MYOM2: variants seen among roughly 807,000 people sequenced by gnomAD.
MYOM2 encodes myomesin 2, also known as myomesin-2.
Under a neutral mutation model 187.6 loss-of-function variants are expected in MYOM2, and 254 were observed. The ratio of observed to expected loss-of-function variants is 1.35; its 90% confidence interval spans 1.22 to 1.50. MYOM2 has a LOEUF of 1.50. Ranked by LOEUF, MYOM2 falls within the 40% of genes most tolerant of loss-of-function variation. MYOM2 has a pLI of 0.00. For synonymous variants in MYOM2, 981 were observed against 753.8 expected, an observed-to-expected ratio of 1.30 and a Z score of -4.94; for missense variants, 2,796 against 1,924.0, an observed-to-expected ratio of 1.45 and a Z score of -8.48.
rs2294060 is a variant in MYOM2, at chr8:2,089,988, G to C, written c.1645-20G>C. On this transcript the variant is annotated intron_variant, in intron 14 of 36. Transcript: ENST00000262113. ...CCTCGCGGTTTTCACTGCCAGTCTCGTTTCTGTTTCTCTTTGTAGTCCGTG... is the reference window on the plus strand; with the variant it reads ...CCTCGCGGTTTTCACTGCCAGTCTCCTTTCTGTTTCTCTTTGTAGTCCGTG... The C allele has an allele frequency of 0.041, 65,381 of 1,610,900 alleles. 2,368 individuals carry two copies. Among genetic ancestry groups the C allele is most frequent in the African/African-American group, 0.2 (14,784 of 74,806 alleles).
chr8:2,059,687 G>A (rs1218469804), intron 6 of MYOM2, among the ~76,000 whole-genome samples: 1 of 151,732 alleles, frequency 6.6e-6, no homozygotes, highest in East Asian at 1.9e-4. Flanking sequence ...CAGCACCCAG[G>A]GTCAGTATGT....
At chr8:2,142,887 C>G (rs1329912296) in intron 35 of MYOM2, among the ~76,000 whole-genome samples, 1 of 151,914 alleles carries the variant, frequency 6.6e-6, no homozygotes, top group East Asian at 1.9e-4. Context: ...TCCCGAGTAG[C>G]TGGGATTACA....
chr8:2,143,912 A>G (rs1225594913), intron 36 of MYOM2, among the ~76,000 whole-genome samples: 1 of 152,188 alleles, frequency 6.6e-6, no homozygotes. Flanking sequence ...TCCTATTCTC[A>G]AGGTCATTGT....
chr8:2,094,507 C>G (rs1796415670), intron 17 of MYOM2, among the ~76,000 whole-genome samples: 1 of 152,080 alleles, frequency 6.6e-6, no homozygotes, highest in African/African-American at 2.4e-5. Flanking sequence ...CAAAAATCAG[C>G]CTGGCATGGT....
At chr8:2,060,978 C>G (rs1818833899) in intron 6 of MYOM2, among the ~76,000 whole-genome samples, 1 of 151,922 alleles carries the variant, frequency 6.6e-6, no homozygotes, top group Non-Finnish European at 1.5e-5. Flanking sequence ...TGAGGGGGTT[C>G]CGGCCGAGCC....
chr8:2,117,641 A>T (rs3817713), intron 27 of MYOM2, among the ~76,000 whole-genome samples: 61,642 of 151,930 alleles, frequency 0.41, 12,589 homozygotes, highest in Non-Finnish European at 0.44. Flanking sequence ...CAGGAAGCAC[A>T]GATTCCAGTG....
chr8:2,089,947 C>G, intron 14 of MYOM2, 61 bp from the exon 15 acceptor site: 1 of 1,531,444 alleles, frequency 6.5e-7, no homozygotes, highest in Non-Finnish European at 8.9e-7. Flanking sequence ...CTTCCTCCTC[C>G]ACACGCCTCT....
At chr8:2,078,685 G>C in intron 11 of MYOM2, 49 bp from the exon 12 acceptor site, 1 of 1,564,850 alleles carries the variant, frequency 6.4e-7, no homozygotes, top group Non-Finnish European at 8.8e-7. Flanking sequence ...ATATTTAGTA[G>C]GTTGCCACAT....
chr8:2,070,567 G>T (rs1171179750), intron 8 of MYOM2, among the ~76,000 whole-genome samples: 3 of 152,152 alleles, frequency 2.0e-5, no homozygotes, highest in Admixed American at 2.0e-4. Flanking sequence ...AGTTGCCCCA[G>T]GCACTGATGA....
chr8:2,094,966 T>TACTC (rs2116748596), intron 17 of MYOM2, among the ~76,000 whole-genome samples: 1 of 152,326 alleles, frequency 6.6e-6, no homozygotes, highest in African/African-American at 2.4e-5. Flanking sequence ...TCAGTGCGCA[T>TACTC]ACTCAGAAAC....
At chr8:2,066,745 C>G (rs913697907) in intron 6 of MYOM2, among the ~76,000 whole-genome samples, 1 of 152,150 alleles carries the variant, frequency 6.6e-6, no homozygotes, top group African/African-American at 2.4e-5. Context: ...TAGATCAGCA[C>G]AGGTTGTTAA....
chr8:2,073,508 C>A lies in MYOM2; in HGVS notation c.1120+8C>A, dbSNP rs911608270. 1.1e-5 allele frequency: 17 copies of A among 1,592,214 alleles called. No individual in the cohort carries two copies. The highest frequency in any genetic ancestry group is 1.7e-5 in the Admixed American group (1 of 58,802). The stretch of plus-strand genomic sequence containing the variant: ...CCTTCCTGTTTGTCAGAGGTGCGGG[C>A]AGCAGGGTTCTCAGGGTGCAGACCT... On this transcript the variant is annotated splice_region_variant and intron_variant, in intron 10 of 36. Transcript: ENST00000262113.
intron 13 of MYOM2, 96 bp downstream of exon 13, chr8:2,079,709 G>A: frequency 7.7e-7 from 1 of 1,294,612 alleles, no homozygotes; most frequent in Non-Finnish European, 1.1e-6. Flanking sequence ...CCCCTACTGG[G>A]CACGGCCTCT....
In MYOM2 at chr8:2,070,915, C is replaced by T. The variant is rs188031075; in HGVS notation, c.793+1418C>T. 3.6e-3 allele frequency among the ~76,000 whole-genome samples: 543 copies of T among 152,196 alleles called. 4 individuals are homozygous for T. Among genetic ancestry groups the T allele is most frequent in the Non-Finnish European group, 5.3e-3 (359 of 67,956 alleles). Reference sequence around the variant, plus strand: ...GGAAGCAGCCAGTGCTGCTCCTGCCCGTCTCCCACACCGTCCTGGCATTGG... The same window carrying T: ...GGAAGCAGCCAGTGCTGCTCCTGCCTGTCTCCCACACCGTCCTGGCATTGG... On this transcript the variant is annotated intron_variant, in intron 8 of 36. Coordinates refer to ENST00000262113, the MANE Select transcript of MYOM2 (RefSeq NM_003970.4).
chr8:2,052,241 G>A lies in MYOM2; in HGVS notation c.191G>A (p.Gly64Glu). Residue 64 changes from glycine to glutamate, a missense_variant, in exon 3 of 37, where the codon GGA becomes GAA. Coordinates refer to ENST00000262113, the MANE Select transcript of MYOM2 (RefSeq NM_003970.4). The part of the protein sequence containing the change: ...SQRASSQTSL[G>E]GTICRVCAKR... ...AGAGCCTCCAGCCAGACGTCCCTGG[G>A]AGGAACCATCTGCAGGGTCTGTGCG... 1 of 1,613,396 alleles carries A rather than the reference G, an allele frequency of 6.2e-7. No homozygotes were observed. The highest frequency in any genetic ancestry group is 8.5e-7 in the Non-Finnish European group (1 of 1,179,846).
intron 32 of MYOM2, among the ~76,000 whole-genome samples, chr8:2,134,134 G>A (rs563191563): frequency 5.3e-5 from 8 of 152,270 alleles, no homozygotes; most frequent in South Asian, 2.1e-4. Context: ...AATTCAGATT[G>A]CACCTTTTTT....
chr8:2,086,652 CA>C (rs1214188071), intron 14 of MYOM2, among the ~76,000 whole-genome samples: 3 of 152,260 alleles, frequency 2.0e-5, no homozygotes, highest in African/African-American at 7.2e-5. Flanking sequence ...AAATTGGCAC[CA>C]GGGGGCTGGG....
chr8:2,139,302 C>A (rs866670938), intron 32 of MYOM2, among the ~76,000 whole-genome samples: 5 of 152,006 alleles, frequency 3.3e-5, no homozygotes, highest in Non-Finnish European at 5.9e-5. Context: ...CCACCACACC[C>A]GGCTAATTTT....
At chr8:2,072,019 C>T (rs1253978638) in intron 8 of MYOM2, among the ~76,000 whole-genome samples, 1 of 152,222 alleles carries the variant, frequency 6.6e-6, no homozygotes. Flanking sequence ...TCTGGGGGGA[C>T]ACAGACATTC....
Sources: allele counts gnomAD v4.1 joint callset (sites outside exome capture counted in the v4.1 genomes callset), GRCh38; gene constraint gnomAD v4.1.1; transcripts MANE v1.5; gene names NCBI Gene and HGNC (gene_info 2026-07-23, HGNC 2026-07-21).